Variants in PAXIP1 observed in about 807,000 individuals in gnomAD.
PAXIP1 encodes PAX-interacting protein 1.
PAXIP1 carries 19 observed loss-of-function variants against 140.6 expected under a neutral mutation model. The ratio of observed to expected loss-of-function variants is 0.14; its 90% confidence interval spans 0.09 to 0.20. The LOEUF (loss-of-function observed/expected upper bound fraction) is 0.20, where lower values mean the gene tolerates loss of function less well. Among genes scored for constraint, PAXIP1 ranks in the 10% least tolerant of loss-of-function variants. The probability of loss-of-function intolerance (pLI) is 1.00; values close to 1 mark genes in which losing one functional copy is unlikely to be tolerated. For missense variants in PAXIP1, 920 were observed against 1,208.6 expected, an observed-to-expected ratio of 0.76 and a Z score of 3.54; for synonymous variants, 442 against 444.6, an observed-to-expected ratio of 0.99 and a Z score of 0.07.
At chr7:155,000,331 C>A (rs1470488041) in intron 1 of PAXIP1, 1 of 152,210 alleles carries the variant, frequency 6.6e-6, no homozygotes, top group Non-Finnish European at 1.5e-5. Context: ...GCATTTTTAG[C>A]TTCACGCATC....
In PAXIP1 at chr7:154,976,322, C is replaced by T. The variant is rs749087515; in HGVS notation, c.448G>A (p.Glu150Lys). 17 of 1,575,290 alleles carry T rather than the reference C, an allele frequency of 1.1e-5. No homozygotes were observed. Among genetic ancestry groups the T allele is most frequent in the South Asian group, 4.7e-5 (4 of 85,154 alleles). The stretch of plus-strand genomic sequence containing the variant: ...ATACTTGCTCGCTTTAAAGCACATT[C>T]GTATTTCTCCTACGAGGAAAGCAGA... ...IVPEPKGEKY[E>K]CALKRASIKI... The change falls in exon 6 of 21, where the codon GAA (glutamate) becomes AAA (lysine). Residue 150 changes from glutamate to lysine, a missense_variant. By Grantham distance (56) the Glu-to-Lys change is moderately conservative. Around this residue, in one of 5 missense-constraint regions of PAXIP1, gnomAD observed 419 missense variants for 514.7 expected, o/e 0.81. Coordinates refer to ENST00000404141, the MANE Select transcript of PAXIP1 (RefSeq NM_007349.4).
chr7:154,957,378 T>C, intron 13 of PAXIP1, 84 bp from the exon 14 acceptor site: 1 of 686,622 alleles, frequency 1.5e-6, no homozygotes, highest in South Asian at 2.0e-5. Flanking sequence ...TGTCAAATAA[T>C]CAAACTACTT....
chr7:154,957,345 C>A, intron 13 of PAXIP1, 51 bp from the exon 14 acceptor site: 1 of 922,612 alleles, frequency 1.1e-6, no homozygotes, highest in Non-Finnish European at 1.7e-6. Context: ...CTAAGTAATA[C>A]AGTAGCTTCC....
In PAXIP1 at chr7:154,968,797, T is replaced by C. The variant is rs1317936370; in HGVS notation, c.1404A>G (p.Leu468=). ...GATGCAACTGTTGCTGTGGAAACTG[T>C]AGCTGTTGCTGTGAAAACTGATGCG... ...AHPHQFSQQQ[L]QFPQQQLHPP... is the part of the protein sequence containing the mutation. The change falls in exon 7 of 21, where the codon CTA becomes CTG. Residue 468 remains leucine, a synonymous_variant. Transcript: ENST00000404141. 1 of 723,404 alleles carries C rather than the reference T, an allele frequency of 1.4e-6. No individual in the cohort carries two copies. Among genetic ancestry groups the C allele is most frequent in the Admixed American group, 2.0e-5 (1 of 49,962 alleles). The allele number at this position is 723,404 out of a possible 1,614,324, so 44.8% of individuals were successfully genotyped here.
rs950579923 is a variant in PAXIP1, at chr7:154,944,306, C to T, written c.3195-142G>A. The T allele has an allele frequency of 4.5e-6, 3 of 659,406 alleles. No individual in the cohort carries two copies. In the African/African-American group the frequency reaches 5.5e-5, roughly 12 times the overall value. 40.8% of individuals were successfully genotyped at this position (659,406 alleles called of 1,614,324 possible). The stretch of plus-strand genomic sequence containing the variant: ...CTTTCTTACCCATTCAAACCAGTCG[C>T]TCTGCTGCATACCCACATCACAGGA... On this transcript the variant is annotated intron_variant, in intron 20 of 20. Transcript: ENST00000404141.
chr7:154,967,722 A>G (rs1390814963), intron 8 of PAXIP1, 94 bp downstream of exon 8: 9 of 801,610 alleles, frequency 1.1e-5, no homozygotes, highest in Middle Eastern at 2.3e-4. Context: ...GTGCAGGTGC[A>G]GCTCAGTGAA....
intron 16 of PAXIP1, chr7:154,951,287 T>A (rs1808264723): frequency 6.6e-6 from 1 of 152,264 alleles, no homozygotes. Context: ...CTAATGTAAC[T>A]ATGGACTTTG....
At chr7:154,991,189 G>C in intron 3 of PAXIP1, 120 bp from the exon 4 acceptor site, 1 of 555,850 alleles carries the variant, frequency 1.8e-6, no homozygotes, top group Non-Finnish European at 3.2e-6. Flanking sequence ...ACAGACTTAA[G>C]ATAGACAAAG....
At chr7:154,972,288 A>G (rs1809365872) in intron 6 of PAXIP1, among the ~76,000 whole-genome samples, 1 of 152,192 alleles carries the variant, frequency 6.6e-6, no homozygotes, top group Non-Finnish European at 1.5e-5. Context: ...GGAGTTCGAG[A>G]CCAGCCTGGC....
intron 6 of PAXIP1, among the ~76,000 whole-genome samples, chr7:154,969,735 C>T (rs1460432833): frequency 6.6e-6 from 1 of 152,178 alleles, no homozygotes; most frequent in African/African-American, 2.4e-5. Context: ...AGTCCAAGAG[C>T]CTTTCGCTCC....
intron 12 of PAXIP1, among the ~76,000 whole-genome samples, chr7:154,960,597 A>C (rs1457336781): frequency 6.6e-6 from 1 of 152,228 alleles, no homozygotes; most frequent in African/African-American, 2.4e-5. Context: ...AAATCACCCG[A>C]GCCCAGGAGA....
intron 2 of PAXIP1, among the ~76,000 whole-genome samples, chr7:154,995,087 G>T (rs903750173): frequency 1.3e-5 from 2 of 152,166 alleles, no homozygotes; most frequent in African/African-American, 4.8e-5. Context: ...ATGATGCCAT[G>T]ACTGAGCACT....
intron 6 of PAXIP1, chr7:154,974,679 C>T (rs1809484509): frequency 6.6e-6 from 1 of 152,086 alleles, no homozygotes; most frequent in African/African-American, 2.4e-5. Context: ...CTTTGAAACA[C>T]CTTTCACCAT....
Position 154,967,098 on chromosome 7 carries a change from C to T in PAXIP1, c.1893+718G>A, listed in dbSNP as rs115800393. Among the ~76,000 whole-genome samples the T allele has an allele frequency of 7.7e-3, 1,168 of 152,320 alleles. 19 individuals are homozygous for T. Among genetic ancestry groups the T allele is most frequent in the African/African-American group, 0.026 (1,093 of 41,570 alleles). On this transcript the variant is annotated intron_variant, in intron 8 of 20. Transcript: ENST00000404141. ...TTTCTCAGGCTCTCACAACAGCCTG[C>T]ATTTGCCACCCCACCTCTGCTTAGC...
At chr7:154,970,314 C>T (rs1439888682) in intron 6 of PAXIP1, among the ~76,000 whole-genome samples, 1 of 152,212 alleles carries the variant, frequency 6.6e-6, no homozygotes, top group Non-Finnish European at 1.5e-5. Context: ...CATATTCTAA[C>T]ATGTATCTTT....
chr7:154,969,450 A>C (rs1183317752), intron 6 of PAXIP1, among the ~76,000 whole-genome samples: 2 of 152,252 alleles, frequency 1.3e-5, no homozygotes, highest in African/African-American at 4.8e-5. Flanking sequence ...TCCTGTGCAC[A>C]CCTGGTAGCT....
Position 154,963,905 on chromosome 7 carries a change from C to A in PAXIP1, c.1894-139G>T. ...TCCTCAAAGTATCAAGGACATGTAA[C>A]AGTTCTATTTACGGACTTTTCTACC... On this transcript the variant is annotated intron_variant, in intron 8 of 20. Coordinates refer to ENST00000404141, the MANE Select transcript of PAXIP1 (RefSeq NM_007349.4). This position sits in a 1 kb window ranked among gnomAD's most constrained non-coding sequence, Gnocchi z 4.1. 1 of 653,322 alleles carries A rather than the reference C, an allele frequency of 1.5e-6. No homozygotes were observed. Among genetic ancestry groups the A allele is most frequent in the Admixed American group, 2.3e-5 (1 of 42,732 alleles). 40.5% of individuals were successfully genotyped at this position (653,322 alleles called of 1,614,324 possible). A position where few individuals can be genotyped will look rare whatever the true frequency, so the allele number is the denominator to read the frequency against.
At chr7:154,984,601 T>C (rs1335492521) in intron 4 of PAXIP1, among the ~76,000 whole-genome samples, 1 of 152,210 alleles carries the variant, frequency 6.6e-6, no homozygotes, top group Non-Finnish European at 1.5e-5. Context: ...AAAAACACTT[T>C]TCAAATCATT....
Position 154,954,261 on chromosome 7 carries a change from A to G in PAXIP1, c.2815T>C (p.Phe939Leu). The G allele has an allele frequency of 6.5e-7, 1 of 1,538,316 alleles. No individual in the cohort carries two copies. Among genetic ancestry groups the G allele is most frequent in the Non-Finnish European group, 8.9e-7 (1 of 1,128,796 alleles). ...TACTGGCGCTGCTCCTTACCAATGA[A>G]CTTCTGACACCTGAAGCATTCTTCC... is the stretch of plus-strand genomic sequence containing the variant. ...WLEECFRCQK[F>L]IDEQNYILRD... The change falls in exon 16 of 21, where the codon TTC becomes CTC. Residue 939 changes from phenylalanine (F) to leucine (L), a missense_variant. Transcript: ENST00000404141. This position sits in a 1 kb window ranked among gnomAD's most constrained non-coding sequence, Gnocchi z 5.1.
Sources: gnomAD v4.1 joint callset for allele counts (sites outside exome capture counted in the v4.1 genomes callset) on GRCh38, gnomAD v4.1.1 for gene constraint, gnomAD v4.1.1 regional missense constraint, Gnocchi (gnomAD v3.1) non-coding constraint, MANE v1.5 for transcripts, NCBI Gene and HGNC (gene_info 2026-07-23, HGNC 2026-07-21) for gene names.